USP37: variants seen among roughly 807,000 people sequenced by gnomAD.
USP37 encodes ubiquitin carboxyl-terminal hydrolase 37.
USP37 carries 27 observed loss-of-function variants against 124.0 expected under a neutral mutation model. The ratio of observed to expected loss-of-function variants is 0.22; its 90% CI spans 0.16 to 0.30. USP37 has a LOEUF of 0.30. Among genes scored for constraint, USP37 ranks in the 10% least tolerant of loss-of-function variants. The pLI is 1.00. For missense variants in USP37, 889 were observed against 1,140.4 expected (o/e 0.78, Z 3.17); for synonymous variants, 365 against 388.0 (o/e 0.94, Z 0.70).
intron 4 of USP37, among the ~76,000 whole-genome samples, chr2:218,556,503 GTTTTTTTTTTTTT>G (rs34907421): frequency 1.1e-4 from 6 of 53,824 alleles, no homozygotes; most frequent in South Asian, 9.6e-4. Flanking sequence ...GGGTTTTTCT[GTTTTTTTTTTTTT>G]TTTTTTTTTT....
Position 218,547,073 on chromosome 2 carries a change from T to C in USP37, c.448A>G (p.Ser150Gly). Residue 150 changes from serine (S) to glycine (G), a missense_variant, in exon 7 of 26, where the codon AGT (serine) becomes GGT (glycine). Physicochemically the swap from Ser to Gly is moderately conservative, Grantham distance 56. Around this residue, in one of 3 missense-constraint regions of USP37, gnomAD observed 374 missense variants for 386.0 expected, o/e 0.97. Coordinates refer to ENST00000258399, the MANE Select transcript of USP37 (RefSeq NM_020935.3). ...GGAATATCATCTTTAGTTTCCAAACTTCCTCTTTTTGCAGAAGCCTGTAAA... is the reference window on the plus strand; with the variant it reads ...GGAATATCATCTTTAGTTTCCAAACCTCCTCTTTTTGCAGAAGCCTGTAAA... Reference protein sequence around the residue: ...SDNQASAKRGSLETKDDIPFR... With the variant: ...SDNQASAKRGGLETKDDIPFR... 6.3e-7 allele frequency: 1 copy of C among 1,595,274 alleles called. No homozygotes were observed. Among genetic ancestry groups the C allele is most frequent in the Non-Finnish European group, 8.5e-7 (1 of 1,175,646 alleles).
intron 23 of USP37, among the ~76,000 whole-genome samples, chr2:218,457,759 G>A (rs1042215486): frequency 1.6e-4 from 24 of 151,988 alleles, no homozygotes; most frequent in African/African-American, 5.8e-4. Flanking sequence ...AAAATTTGGG[G>A]AAGGAAGGCC....
Position 218,451,184 on chromosome 2 carries a change from C to T in USP37, c.*3746G>A, listed in dbSNP as rs1689468230. 1 of 152,140 alleles carries T rather than the reference C, an allele frequency of 6.6e-6. No individual in the cohort carries two copies. The highest frequency in any genetic ancestry group is 1.5e-5 in the Non-Finnish European group (1 of 68,018). The allele number at this position is 152,140 out of a possible 1,614,324, so 9.4% of individuals were successfully genotyped here. On this transcript the variant is annotated 3_prime_UTR_variant, in exon 26 of 26. Coordinates refer to ENST00000258399, the MANE Select transcript of USP37 (RefSeq NM_020935.3). ...TCTATTTAGTTTTTGTATACACTTG[C>T]AAGAGTGCATTACTCAGTATAAAGC...
At chr2:218,503,286 T>C (rs1321538953) in intron 11 of USP37, among the ~76,000 whole-genome samples, 3 of 152,268 alleles carry the variant, frequency 2.0e-5, no homozygotes, top group Non-Finnish European at 2.9e-5. Flanking sequence ...TCTCATCTTT[T>C]AATTTCTTTA....
chr2:218,457,237 C>A, intron 23 of USP37, 76 bp from the exon 24 acceptor site: 4 of 1,384,454 alleles, frequency 2.9e-6, no homozygotes, highest in South Asian at 1.2e-5. Flanking sequence ...AATTTATTAT[C>A]AAAGCTGACA....
At chr2:218,471,631 A>C (rs1308750372) in intron 20 of USP37, among the ~76,000 whole-genome samples, 1 of 152,092 alleles carries the variant, frequency 6.6e-6, no homozygotes, top group African/African-American at 2.4e-5. Flanking sequence ...TGCCTTCCTC[A>C]TATCAGCAAA....
At chr2:218,544,430 T>TATAG (rs377397246) in intron 8 of USP37, among the ~76,000 whole-genome samples, 677 of 50,744 alleles carry the variant, frequency 0.013, 7 homozygotes, top group East Asian at 0.023. Context: ...TATATATATA[T>TATAG]AGAGAGAGAG....
chr2:218,482,410 G>C (rs1269824372), intron 16 of USP37, among the ~76,000 whole-genome samples, 176 bp from the exon 17 acceptor site: 1 of 152,122 alleles, frequency 6.6e-6, no homozygotes, highest in Non-Finnish European at 1.5e-5. Flanking sequence ...CATTGGGCTA[G>C]GTAAAAAGCA....
chr2:218,455,759 A>C (rs1469960908), intron 24 of USP37, 41 bp from the exon 25 acceptor site: 1 of 1,601,808 alleles, frequency 6.2e-7, no homozygotes, highest in South Asian at 1.1e-5. Context: ...TTTTAAAAAC[A>C]CACCGAAGCT....
At chr2:218,561,653 A>AT (rs998795820) in intron 2 of USP37, among the ~76,000 whole-genome samples, 17 of 14,558 alleles carry the variant, frequency 1.2e-3, no homozygotes, top group Non-Finnish European at 1.1e-3. Flanking sequence ...TCTGTCTCAG[A>AT]AAAAAAAAAA....
At chr2:218,552,116 A>G (rs1028315867) in intron 5 of USP37, among the ~76,000 whole-genome samples, 1 of 152,176 alleles carries the variant, frequency 6.6e-6, no homozygotes, top group Non-Finnish European at 1.5e-5. Flanking sequence ...CTAAAATTCA[A>G]TAGTTTAGTA....
At chr2:218,457,016 G>A (rs754934816) in intron 24 of USP37, 76 bp downstream of exon 24, 411 of 1,399,430 alleles carry the variant, frequency 2.9e-4, no homozygotes, top group Non-Finnish European at 3.9e-4. Context: ...CACAAAGCTA[G>A]GCAAAGAGCA....
intron 3 of USP37, among the ~76,000 whole-genome samples, chr2:218,558,929 C>T (rs967894213): frequency 2.0e-5 from 3 of 151,858 alleles, no homozygotes; most frequent in African/African-American, 7.3e-5. Context: ...AAAGTGATTG[C>T]CTTCACCATT....
intron 16 of USP37, 125 bp downstream of exon 16, chr2:218,485,539 T>C: frequency 9.1e-7 from 1 of 1,103,186 alleles, no homozygotes; most frequent in South Asian, 1.7e-5. Flanking sequence ...ACCAATCCAT[T>C]CTGGTAACCT....
chr2:218,507,472 C>T (rs920900263), intron 11 of USP37, among the ~76,000 whole-genome samples: 139 of 152,196 alleles, frequency 9.1e-4, no homozygotes, highest in African/African-American at 3.2e-3. Context: ...TTCTATTTAG[C>T]GTCTACCCAC....
chr2:218,481,955 T>C (rs1305843728), intron 17 of USP37, 115 bp downstream of exon 17: 6 of 1,228,750 alleles, frequency 4.9e-6, no homozygotes, highest in African/African-American at 3.1e-5. Flanking sequence ...CATCTGGCCA[T>C]TGATCTGATT....
chr2:218,460,507 A>AT (rs1689958946), intron 22 of USP37, among the ~76,000 whole-genome samples: 1 of 152,216 alleles, frequency 6.6e-6, no homozygotes, highest in Non-Finnish European at 1.5e-5. Flanking sequence ...AAATAATTTT[A>AT]CATATAATCC....
intron 15 of USP37, chr2:218,486,032 A>C: frequency 3.2e-6 from 1 of 310,794 alleles, no homozygotes; most frequent in Non-Finnish European, 5.8e-6. Flanking sequence ...TAGCCTTTTC[A>C]GCCTTTTCCC....
At chr2:218,543,005 T>C (rs1014898426) in intron 8 of USP37, among the ~76,000 whole-genome samples, 1 of 152,200 alleles carries the variant, frequency 6.6e-6, no homozygotes, top group Non-Finnish European at 1.5e-5. Flanking sequence ...GACCATTTTA[T>C]GCCTTAGTAA....
Sources: gnomAD v4.1 joint callset for allele counts (sites outside exome capture counted in the v4.1 genomes callset) on GRCh38, gnomAD v4.1.1 for gene constraint, gnomAD v4.1.1 regional missense constraint, MANE v1.5 for transcripts, NCBI Gene and HGNC (gene_info 2026-07-23, HGNC 2026-07-21) for gene names.